MGAT4C: variants seen among roughly 807,000 people sequenced by gnomAD.
MGAT4C encodes alpha-1,3-mannosyl-glycoprotein 4-beta-N-acetylglucosaminyltransferase C.
MGAT4C carries 19 observed loss-of-function variants against 40.1 expected under a neutral mutation model. The observed-to-expected ratio is 0.47, with a 90% CI of 0.33 to 0.70. The LOEUF is 0.70. Among genes scored for constraint, MGAT4C ranks in the 30% least tolerant of loss-of-function variants. The probability of loss-of-function intolerance (pLI) is 0.02; values close to 1 mark genes in which losing one functional copy is unlikely to be tolerated. For synonymous variants in MGAT4C, 181 were observed against 187.1 expected (o/e 0.97, Z 0.27); for missense variants, 491 against 563.2 (o/e 0.87, Z 1.30).
intron 1 of MGAT4C, among the ~76,000 whole-genome samples, chr12:86,809,625 CATA>C (rs1333922421): frequency 6.6e-6 from 1 of 151,960 alleles, no homozygotes; most frequent in Non-Finnish European, 1.5e-5. Context: ...TTTCCTGCTG[CATA>C]ATAATGTTGA....
intron 4 of MGAT4C, among the ~76,000 whole-genome samples, chr12:86,279,148 G>A (rs1010278433): frequency 2.0e-5 from 3 of 151,780 alleles, no homozygotes; most frequent in African/African-American, 7.3e-5. Context: ...TCTGATTTTG[G>A]TATTAGGATA....
At chr12:86,610,747 C>A (rs978556760) in intron 2 of MGAT4C, among the ~76,000 whole-genome samples, 1 of 141,744 alleles carries the variant, frequency 7.1e-6, no homozygotes, top group East Asian at 2.3e-4. Context: ...CTCCCCCTAC[C>A]CCACCCCACA....
intron 1 of MGAT4C, among the ~76,000 whole-genome samples, chr12:86,835,777 G>A (rs766213776): frequency 4.0e-5 from 6 of 151,740 alleles, no homozygotes; most frequent in Non-Finnish European, 7.4e-5. Flanking sequence ...GTACTCACAT[G>A]CTCAATGCAT....
chr12:86,725,498 T>TC (rs1465954704), intron 2 of MGAT4C, among the ~76,000 whole-genome samples: 2 of 152,040 alleles, frequency 1.3e-5, no homozygotes, highest in Non-Finnish European at 2.9e-5. Flanking sequence ...ACCTTCTCTG[T>TC]CACCCAGGCA....
chr12:86,604,654 G>A lies in MGAT4C; in HGVS notation c.-229+122555C>T, dbSNP rs537184472. Among the ~76,000 whole-genome samples, 50 of 152,084 alleles carry A rather than the reference G, an allele frequency of 3.3e-4. 1 individual carries two copies. In the South Asian group the frequency reaches 0.01, roughly 31 times the overall value. ...AAGTCACTTTCAGATATTTTAGTCCGTATTCTTTAGAGTGTTCAATACTGA... is the reference window on the plus strand; with the variant it reads ...AAGTCACTTTCAGATATTTTAGTCCATATTCTTTAGAGTGTTCAATACTGA... On this transcript the variant is annotated intron_variant, in intron 2 of 7. Transcript: ENST00000548651.
chr12:86,268,449 T>C (rs1258552733), intron 4 of MGAT4C, among the ~76,000 whole-genome samples: 2 of 151,084 alleles, frequency 1.3e-5, no homozygotes, highest in South Asian at 2.1e-4. Context: ...ATATAAAGGA[T>C]TTTTTTTTCT....
chr12:86,144,339 C>CTGAT (rs1443041232), intron 1 of MGAT4C, among the ~76,000 whole-genome samples: 1 of 152,132 alleles, frequency 6.6e-6, no homozygotes, highest in African/African-American at 2.4e-5. Context: ...AGTGAAAACG[C>CTGAT]TGATAGATTC....
chr12:86,479,237 AGAG>A (rs1957892670), intron 2 of MGAT4C, among the ~76,000 whole-genome samples: 1 of 152,040 alleles, frequency 6.6e-6, no homozygotes, highest in South Asian at 2.1e-4. Context: ...AAGTTTACAA[AGAG>A]GAGAGCCTGC....
At chr12:86,811,821 T>C (rs1400751340) in intron 1 of MGAT4C, among the ~76,000 whole-genome samples, 1 of 151,970 alleles carries the variant, frequency 6.6e-6, no homozygotes, top group Non-Finnish European at 1.5e-5. Context: ...TTATTGATTT[T>C]TGCTCTGAAT....
At chr12:86,471,151 CA>C (rs776715515) in intron 2 of MGAT4C, among the ~76,000 whole-genome samples, 1 of 151,824 alleles carries the variant, frequency 6.6e-6, no homozygotes, top group East Asian at 1.9e-4. Context: ...TAACTAACAC[CA>C]GGGGGAAATA....
At chr12:86,007,838 G>A (rs761989109) in intron 2 of MGAT4C, among the ~76,000 whole-genome samples, 1 of 151,892 alleles carries the variant, frequency 6.6e-6, no homozygotes, top group Non-Finnish European at 1.5e-5. Context: ...TTCTTCTAGA[G>A]GCTTTATAGT....
chr12:86,417,014 A>G (rs55822829), intron 3 of MGAT4C, among the ~76,000 whole-genome samples: 15,001 of 152,128 alleles, frequency 0.099, 1,002 homozygotes, highest in Middle Eastern at 0.25. Context: ...ACCATGAGAC[A>G]ATACATTTCT....
intron 2 of MGAT4C, among the ~76,000 whole-genome samples, chr12:86,512,379 G>C (rs1431984033): frequency 1.3e-5 from 2 of 152,130 alleles, no homozygotes; most frequent in African/African-American, 4.8e-5. Flanking sequence ...AAATATAACT[G>C]CCATATGATC....
chr12:86,783,782 C>G (rs1170120621), intron 1 of MGAT4C, among the ~76,000 whole-genome samples: 1 of 152,000 alleles, frequency 6.6e-6, no homozygotes, highest in East Asian at 1.9e-4. Context: ...CTTACAATCT[C>G]AAACAATATA....
Position 85,980,178 on chromosome 12 carries a change from T to C in MGAT4C, c.548A>G (p.Asp183Gly). The part of the protein sequence containing the change: ...HAPEEYYPIL[D>G]GLKRNYNDPE... ...ATCATTGTAATTTCTTTTAAGGCCA[T>C]CTAGGATTGGGTAATACTCCTCTGG... is the stretch of plus-strand genomic sequence containing the variant. Residue 183 changes from aspartate to glycine, a missense_variant, in exon 5 of 5, where the codon GAT (aspartate) becomes GGT (glycine). Asp to Gly is a moderately conservative substitution (Grantham distance 94). Transcript: ENST00000611864. 3.7e-6 allele frequency: 6 copies of C among 1,613,964 alleles called. No individual in the cohort carries two copies. The highest frequency in any genetic ancestry group is 5.1e-6 in the Non-Finnish European group (6 of 1,179,888).
At chr12:86,510,163 G>C (rs1461424389) in intron 2 of MGAT4C, among the ~76,000 whole-genome samples, 1 of 152,152 alleles carries the variant, frequency 6.6e-6, no homozygotes, top group Non-Finnish European at 1.5e-5. Context: ...AATGCTTCCA[G>C]TTTTTGCCCA....
intron 1 of MGAT4C, among the ~76,000 whole-genome samples, chr12:86,216,660 A>AGAT (rs1950685946): frequency 1.3e-5 from 2 of 152,228 alleles, no homozygotes; most frequent in Non-Finnish European, 2.9e-5. Flanking sequence ...AAAGAGCTCT[A>AGAT]TCTAATCATC....
Position 85,979,515 on chromosome 12 carries a change from T to A in MGAT4C, c.1211A>T (p.Asp404Val). Reference sequence around the variant, plus strand: ...ATCTAGGGCTCCATGATGCAAAATATCATTTTGCCGATCTTCTGTTCCAGT... The same window carrying A: ...ATCTAGGGCTCCATGATGCAAAATAACATTTTGCCGATCTTCTGTTCCAGT... ...VNTGTEDRQN[D>V]ILHHGALDVG... is the part of the protein sequence containing the mutation. Residue 404 changes from aspartate (D) to valine (V), a missense_variant, in exon 5 of 5, where the codon GAT becomes GTT. Physicochemically the swap from Asp to Val is radical, Grantham distance 152. Coordinates refer to ENST00000611864, the MANE Select transcript of MGAT4C (RefSeq NM_001351288.2). The A allele has an allele frequency of 1.2e-6, 2 of 1,611,824 alleles. No individual in the cohort carries two copies. The highest frequency in any genetic ancestry group is 1.7e-6 in the Non-Finnish European group (2 of 1,178,296).
intron 3 of MGAT4C, among the ~76,000 whole-genome samples, chr12:86,408,479 C>CTCTGTATATATATA (rs1267344319): frequency 3.2e-5 from 2 of 63,368 alleles, no homozygotes; most frequent in African/African-American, 1.6e-4. Context: ...CTCTCTCTCT[C>CTCTGTATATATATA]TATATATATA....
Sources: allele counts gnomAD v4.1 joint callset (sites outside exome capture counted in the v4.1 genomes callset), GRCh38; gene constraint gnomAD v4.1.1; transcripts MANE v1.5; gene names NCBI Gene and HGNC (gene_info 2026-07-23, HGNC 2026-07-21).